TRIM6: variants seen among roughly 807,000 people sequenced by gnomAD.
The protein encoded by TRIM6 is tripartite motif-containing protein 6.
TRIM6 carries 43 observed loss-of-function variants against 51.2 expected under a neutral mutation model. The observed-to-expected ratio is 0.84, with a 90% CI of 0.66 to 1.08. The LOEUF (loss-of-function observed/expected upper bound fraction) is 1.08, where lower values mean the gene tolerates loss of function less well. Among genes scored for constraint, TRIM6 ranks in the 50% least tolerant of loss-of-function variants. The pLI is 0.00. For missense variants in TRIM6, 669 were observed against 619.0 expected, an observed-to-expected ratio of 1.08 and a Z score of -0.86; for synonymous variants, 215 against 232.4, an observed-to-expected ratio of 0.93 and a Z score of 0.68.
chr11:5,608,292 G>GGT, intron 4 of TRIM6, 80 bp from the exon 5 acceptor site: 1 of 1,590,852 alleles, frequency 6.3e-7, no homozygotes, highest in East Asian at 2.3e-5. Flanking sequence ...CATATCATGG[G>GGT]GTAGGGGACA....
intron 4 of TRIM6, among the ~76,000 whole-genome samples, chr11:5,607,427 T>C (rs938987859): frequency 1.3e-5 from 2 of 152,192 alleles, no homozygotes; most frequent in African/African-American, 4.8e-5. Context: ...TGTGCCTCTA[T>C]GAAATGCCAC....
At position 5,610,519 on chromosome 11, in the gene TRIM6, CTT is replaced by C. The variant is rs757725238; in HGVS notation, c.959-13_959-12del. The C allele has an allele frequency of 1.1e-5, 18 of 1,614,156 alleles. No homozygotes were observed. In the South Asian group the frequency reaches 1.6e-4, roughly 15 times the overall value. Reference sequence around the variant, plus strand: ...TTGGTCCTATTCAACATTATTGACTCTTTTCATCATTACAGAGCTGACAGATG... The same window carrying C: ...TTGGTCCTATTCAACATTATTGACTCTTCATCATTACAGAGCTGACAGATG... On this transcript the variant is annotated splice_polypyrimidine_tract_variant and intron_variant, in intron 6 of 7. Transcript: ENST00000380097.
chr11:5,610,358 A>G (rs754614394), intron 6 of TRIM6, 113 bp downstream of exon 6: 3 of 1,563,964 alleles, frequency 1.9e-6, no homozygotes, highest in Middle Eastern at 1.7e-4. Context: ...GGGAGGTCCC[A>G]GAGGGAGGGA....
At chr11:5,608,847 A>AT (rs370630648) in intron 5 of TRIM6, among the ~76,000 whole-genome samples, 4,919 of 101,748 alleles carry the variant, frequency 0.048, 374 homozygotes, top group East Asian at 0.18. Flanking sequence ...TTGCCCATAA[A>AT]TTTTTTTTTT....
rs1160413502 is a variant in TRIM6 at position 5,605,454 on chromosome 11, C to A, written c.721C>A (p.Leu241Ile). 1.2e-6 allele frequency: 2 copies of A among 1,614,118 alleles called. No individual in the cohort carries two copies. The highest frequency in any genetic ancestry group is 1.7e-6 in the Non-Finnish European group (2 of 1,180,036). The change falls in exon 4 of 8, where the codon CTA (leucine) becomes ATA (isoleucine). Residue 241 changes from leucine to isoleucine, a missense_variant. Transcript: ENST00000380097. ...GCTGGAACAGGAAGAGAAGAAGGGG[C>A]TACGAATTATAGAAGAGGCTGAGAA... The part of the protein sequence containing the change: ...KKLEQEEKKG[L>I]RIIEEAENDL...
At chr11:5,609,205 C>T (rs1190152079) in intron 5 of TRIM6, among the ~76,000 whole-genome samples, 1 of 152,136 alleles carries the variant, frequency 6.6e-6, no homozygotes, top group Non-Finnish European at 1.5e-5. Flanking sequence ...TTGGTTCCTC[C>T]ATGCTCCTCA....
At position 5,596,725 on chromosome 11, in the gene TRIM6, C is replaced by T. The variant is rs1040249875; in HGVS notation, c.-173C>T. On this transcript the variant is annotated 5_prime_UTR_variant, in exon 1 of 8. Transcript: ENST00000380097. ...CAAAGGCTGGCGGAGGAGGGATCCC[C>T]TGCCTTTCTCGGAACGGAACGGAGC... The T allele has an allele frequency of 6.0e-6, 6 of 1,000,824 alleles. No homozygotes were observed. The African/African-American group carries it at 6.6e-5, about 11-fold the overall frequency. 62.0% of individuals were successfully genotyped at this position (1,000,824 alleles called of 1,614,324 possible).
At chr11:5,598,092 T>A (rs1344089081) in intron 1 of TRIM6, among the ~76,000 whole-genome samples, 2 of 152,212 alleles carry the variant, frequency 1.3e-5, no homozygotes, top group Non-Finnish European at 2.9e-5. Context: ...GCTAATTTGA[T>A]GCACTGGGCT....
rs1322604746 is a variant in TRIM6 at position 5,612,813 on chromosome 11, A to G, written c.*1471A>G. On this transcript the variant is annotated 3_prime_UTR_variant, in exon 8 of 8. Transcript: ENST00000380097. ...GCCTAGTCTGAATTGAGATGTGCTCAATGTATAAAATATATACCAGATTTC... is the reference window on the plus strand; with the variant it reads ...GCCTAGTCTGAATTGAGATGTGCTCGATGTATAAAATATATACCAGATTTC... 1.3e-5 allele frequency: 2 copies of G among 152,254 alleles called. No individual in the cohort carries two copies. Among genetic ancestry groups the G allele is most frequent in the African/African-American group, 2.4e-5 (1 of 41,470 alleles). 9.4% of individuals were successfully genotyped at this position (152,254 alleles called of 1,614,324 possible). A position where few individuals can be genotyped will look rare whatever the true frequency, so the allele number is the denominator to read the frequency against.
chr11:5,608,616 C>G (rs1848368209), intron 5 of TRIM6, among the ~76,000 whole-genome samples: 1 of 151,882 alleles, frequency 6.6e-6, no homozygotes, highest in Non-Finnish European at 1.5e-5. Context: ...GGGGACAGTA[C>G]TGTTATTTAG....
In TRIM6 at chr11:5,611,209, C is replaced by G; in HGVS notation, c.1418C>G (p.Ser473Cys). The G allele has an allele frequency of 6.2e-7, 1 of 1,614,110 alleles. No homozygotes were observed. Among genetic ancestry groups the G allele is most frequent in the Non-Finnish European group, 8.5e-7 (1 of 1,180,016 alleles). The change falls in exon 8 of 8, where the codon TCC (serine) becomes TGC (cysteine). Residue 473 changes from serine to cysteine, a missense_variant. Coordinates refer to ENST00000380097, the MANE Select transcript of TRIM6 (RefSeq NM_001003818.3). The stretch of plus-strand genomic sequence containing the variant: ...TTAGATTATGAGGCTGGTACTGTCT[C>G]CTTTTATAATGTCACAAACCATGGC... ...VFLDYEAGTV[S>C]FYNVTNHGFP...
chr11:5,596,285 G>C (rs2133798751), upstream of TRIM6: 2 of 154,164 alleles, frequency 1.3e-5, 1 homozygote, highest in Middle Eastern at 6.4e-3. Context: ...ACGGGTGAAA[G>C]AAGAATGAGG....
At chr11:5,605,623 T>G in intron 4 of TRIM6, 56 bp downstream of exon 4, 4 of 1,535,306 alleles carry the variant, frequency 2.6e-6, no homozygotes, top group East Asian at 2.3e-5. Context: ...AAACTAACTT[T>G]CCTTCCTTTC....
At chr11:5,596,529 T>TCCCCCGTTCTCCCCTTC (rs1335028279), upstream of TRIM6, 1 of 5,498 alleles carries the variant, frequency 1.8e-4, no homozygotes, top group Admixed American at 2.1e-3. Flanking sequence ...CTTCCCCCCT[T>TCCCCCGTTCTCCCCTTC]CCCCCTTCCC....
At position 5,612,857 on chromosome 11, in the gene TRIM6, A is replaced by ATAATG. The variant is rs1848628584; in HGVS notation, c.*1519_*1523dup. ...AGATTTCAAATACCTACTTCAAAAA[A>ATAATG]TAATGTAAAATATCTCACTAATAAC... On this transcript the variant is annotated 3_prime_UTR_variant, in exon 8 of 8. Coordinates refer to ENST00000380097, the MANE Select transcript of TRIM6 (RefSeq NM_001003818.3). The ATAATG allele has an allele frequency of 6.6e-6, 1 of 152,264 alleles. No individual in the cohort carries two copies. The highest frequency in any genetic ancestry group is 2.4e-5 in the African/African-American group (1 of 41,468). 9.4% of individuals were successfully genotyped at this position (152,264 alleles called of 1,614,324 possible).
At chr11:5,602,516 A>G (rs1336678835) in intron 1 of TRIM6, among the ~76,000 whole-genome samples, 3 of 151,888 alleles carry the variant, frequency 2.0e-5, no homozygotes, top group African/African-American at 4.8e-5. Flanking sequence ...CCCTTCTGAT[A>G]AGGGAATAGG....
At chr11:5,609,750 A>G (rs534369467) in intron 5 of TRIM6, among the ~76,000 whole-genome samples, 5 of 152,046 alleles carry the variant, frequency 3.3e-5, no homozygotes, top group Admixed American at 6.6e-5. Flanking sequence ...ATGAAACCCT[A>G]TCTCTACTAA....
intron 1 of TRIM6, among the ~76,000 whole-genome samples, chr11:5,599,897 A>C (rs568998031): frequency 6.6e-6 from 1 of 152,118 alleles, no homozygotes; most frequent in Non-Finnish European, 1.5e-5. Flanking sequence ...TAGAGCCTCT[A>C]TTGCCTCTAG....
intron 1 of TRIM6, among the ~76,000 whole-genome samples, chr11:5,600,636 C>A (rs1464209740): frequency 6.6e-6 from 1 of 152,178 alleles, no homozygotes; most frequent in African/African-American, 2.4e-5. Context: ...CCACCAGGTC[C>A]TCAAGATGGG....
Sources: gnomAD v4.1 joint callset for allele counts (sites outside exome capture counted in the v4.1 genomes callset) on GRCh38, gnomAD v4.1.1 for gene constraint, MANE v1.5 for transcripts, NCBI Gene and HGNC (gene_info 2026-07-23, HGNC 2026-07-21) for gene names.